Variants in PITHD1 observed in about 807,000 individuals in gnomAD.
PITHD1 encodes PITH domain containing 1.
Under a neutral mutation model 27.5 loss-of-function variants are expected in PITHD1, and 8 were observed. The observed-to-expected ratio is 0.29, with a 90% confidence interval of 0.17 to 0.52. PITHD1 has a LOEUF of 0.52. Among genes scored for constraint, PITHD1 ranks in the 20% least tolerant of loss-of-function variants. The probability of loss-of-function intolerance (pLI) is 0.96; values close to 1 mark genes in which losing one functional copy is unlikely to be tolerated. For missense variants in PITHD1, 233 were observed against 283.9 expected (o/e 0.82, Z 1.29); for synonymous variants, 118 against 106.8 (o/e 1.10, Z -0.64).
chr1:23,778,554 C>T lies in PITHD1; in HGVS notation c.39C>T (p.Arg13=). 1 of 1,341,360 alleles carries T rather than the reference C, an allele frequency of 7.5e-7. No individual in the cohort carries two copies. Among genetic ancestry groups the T allele is most frequent in the Non-Finnish European group, 9.5e-7 (1 of 1,051,146 alleles). 83.1% of individuals were successfully genotyped at this position (1,341,360 alleles called of 1,614,324 possible). ...ACAGCCACGGCGGGGGTGGCTGCCG[C>T]TGCGCCGCCGAACGGGAGGAGCCGC... ...HGHSHGGGGC[R]CAAEREEPPE... The change falls in exon 1 of 6, where the codon CGC becomes CGT. Residue 13 remains arginine, a synonymous_variant. Transcript: ENST00000246151.
intron 3 of PITHD1, among the ~76,000 whole-genome samples, chr1:23,780,939 C>T (rs1413744167): frequency 6.6e-6 from 1 of 151,964 alleles, no homozygotes; most frequent in Non-Finnish European, 1.5e-5. Flanking sequence ...TGGTGGTTCA[C>T]ACCTGTAATC....
chr1:23,779,301 A>C, intron 1 of PITHD1, 137 bp from the exon 2 acceptor site: 1 of 700,696 alleles, frequency 1.4e-6, no homozygotes, highest in Non-Finnish European at 2.6e-6. Flanking sequence ...GCTTCAAGTT[A>C]ATAAGTCTTG....
intron 5 of PITHD1, 134 bp downstream of exon 5, chr1:23,786,557 TA>T (rs1638687749): frequency 2.9e-6 from 1 of 339,116 alleles, no homozygotes; most frequent in Non-Finnish European, 5.6e-6. Flanking sequence ...GTTTTATCAG[TA>T]TAAACTTTTC....
At position 23,787,332 on chromosome 1, in the gene PITHD1, C is replaced by A; in HGVS notation, c.592C>A (p.His198Asn). ...NYEASANPADHRVHQVTPQTH... is the reference protein window; with the variant it reads ...NYEASANPADNRVHQVTPQTH... ...CGAAGCATCTGCCAACCCAGCAGAC[C>A]ATAGGGTCCATCAGGTTACCCCACA... Residue 198 changes from histidine to asparagine, a missense_variant, in exon 6 of 6, where the codon CAT becomes AAT. Physicochemically the swap from His to Asn is moderately conservative, Grantham distance 68. Coordinates refer to ENST00000246151, the MANE Select transcript of PITHD1 (RefSeq NM_020362.5). The A allele has an allele frequency of 6.2e-7, 1 of 1,612,994 alleles. No homozygotes were observed. The highest frequency in any genetic ancestry group is 1.1e-5 in the South Asian group (1 of 91,012).
In PITHD1 at chr1:23,778,635, G is replaced by A; in HGVS notation, c.120G>A (p.Leu40=). ...ACCTGCGCATCGACCTGGAGCGGCT[G>A]CAATGCCTTAACGAGAGCCGCGAGG... The part of the protein sequence containing the change: ...GLYLRIDLER[L]QCLNESREGS... Residue 40 remains leucine, a synonymous_variant, in exon 1 of 6, where the codon CTG becomes CTA. Coordinates refer to ENST00000246151, the MANE Select transcript of PITHD1 (RefSeq NM_020362.5). 3.0e-6 allele frequency: 4 copies of A among 1,334,144 alleles called. No homozygotes were observed. The highest frequency in any genetic ancestry group is 9.6e-7 in the Non-Finnish European group (1 of 1,043,388). 82.6% of individuals were successfully genotyped at this position (1,334,144 alleles called of 1,614,324 possible).
intron 3 of PITHD1, among the ~76,000 whole-genome samples, chr1:23,783,340 T>C (rs567946276): frequency 1.3e-5 from 2 of 149,584 alleles, no homozygotes; most frequent in Non-Finnish European, 3.0e-5. Context: ...CATATATGTG[T>C]ATATATACAT....
chr1:23,778,533 C>T lies in PITHD1; in HGVS notation c.18C>T (p.Ser6=). 7.4e-7 allele frequency: 1 copy of T among 1,347,166 alleles called. No homozygotes were observed. Among genetic ancestry groups the T allele is most frequent in the Non-Finnish European group, 9.5e-7 (1 of 1,055,998 alleles). 83.5% of individuals were successfully genotyped at this position (1,347,166 alleles called of 1,614,324 possible). The part of the protein sequence containing the change: MSHGH[S]HGGGGCRCAA... ...GCGTTGCCATGTCGCACGGTCACAGCCACGGCGGGGGTGGCTGCCGCTGCG... is the reference window on the plus strand; with the variant it reads ...GCGTTGCCATGTCGCACGGTCACAGTCACGGCGGGGGTGGCTGCCGCTGCG... Residue 6 remains serine, a synonymous_variant, in exon 1 of 6, where the codon AGC becomes AGT. Transcript: ENST00000246151.
chr1:23,783,280 T>C (rs1638628996), intron 3 of PITHD1, among the ~76,000 whole-genome samples: 1 of 150,456 alleles, frequency 6.6e-6, no homozygotes, highest in African/African-American at 2.4e-5. Flanking sequence ...CACAGGCACA[T>C]GTGTGTATAT....
At chr1:23,787,131 T>C (rs535355678) in intron 5 of PITHD1, 144 bp from the exon 6 acceptor site, 246 of 533,330 alleles carry the variant, frequency 4.6e-4, no homozygotes, top group Non-Finnish European at 7.6e-4. Flanking sequence ...AGATATTAGA[T>C]GATGACATCT....
intron 3 of PITHD1, among the ~76,000 whole-genome samples, chr1:23,784,301 C>T (rs1347205541): frequency 1.6e-5 from 2 of 125,040 alleles, no homozygotes; most frequent in East Asian, 2.5e-4. Context: ...AGTGCAGTGG[C>T]GCCATCTCGG....
intron 3 of PITHD1, among the ~76,000 whole-genome samples, chr1:23,781,159 G>C (rs1282094903): frequency 6.6e-6 from 1 of 152,068 alleles, no homozygotes. Context: ...CTGCACTCCA[G>C]TCTGGGTGAC....
intron 3 of PITHD1, among the ~76,000 whole-genome samples, chr1:23,783,334 T>C (rs1169436784): frequency 6.7e-6 from 1 of 149,802 alleles, no homozygotes; most frequent in Admixed American, 6.7e-5. Context: ...TATACACATA[T>C]ATGTGTATAT....
At chr1:23,785,861 A>G in intron 4 of PITHD1, 82 bp downstream of exon 4, 2 of 761,790 alleles carry the variant, frequency 2.6e-6, no homozygotes, top group South Asian at 3.0e-5. Context: ...CTGCTCTCTT[A>G]GCATTGGAAA....
rs1252480912 is a variant in PITHD1, at chr1:23,779,446, A to C, written c.207A>C (p.Glu69Asp). The C allele has an allele frequency of 3.7e-6, 6 of 1,612,718 alleles. No individual in the cohort carries two copies. Among genetic ancestry groups the C allele is most frequent in the Non-Finnish European group, 4.2e-6 (5 of 1,178,910 alleles). The change falls in exon 2 of 6, where the codon GAA (glutamate) becomes GAC (aspartate). Residue 69 changes from glutamate (E) to aspartate (D), a missense_variant. By Grantham distance (45) the Glu-to-Asp change is conservative (BLOSUM62 2). Coordinates refer to ENST00000246151, the MANE Select transcript of PITHD1 (RefSeq NM_020362.5). ...EERTDRSKFVESDADEELLFN... is the reference protein window; with the variant it reads ...EERTDRSKFVDSDADEELLFN... The stretch of plus-strand genomic sequence containing the variant: ...CTCCCCATCCCCTCCAGTTTGTTGA[A>C]AGTGATGCAGATGAAGAGCTTCTGT...
Position 23,778,570 on chromosome 1 carries a change from G to A in PITHD1, c.55G>A (p.Glu19Lys). The change falls in exon 1 of 6, where the codon GAG (glutamate) becomes AAG (lysine). Residue 19 changes from glutamate to lysine, a missense_variant. Physicochemically the swap from Glu to Lys is moderately conservative, Grantham distance 56. Coordinates refer to ENST00000246151, the MANE Select transcript of PITHD1 (RefSeq NM_020362.5). ...TGGCTGCCGCTGCGCCGCCGAACGG[G>A]AGGAGCCGCCCGAGCAGCGCGGCCT... ...GGGCRCAAER[E>K]EPPEQRGLAY... 1.5e-6 allele frequency: 2 copies of A among 1,345,230 alleles called. No homozygotes were observed. Among genetic ancestry groups the A allele is most frequent in the Non-Finnish European group, 1.9e-6 (2 of 1,052,716 alleles). The allele number at this position is 1,345,230 out of a possible 1,614,324, so 83.3% of individuals were successfully genotyped here. A position where few individuals can be genotyped will look rare whatever the true frequency, so the allele number is the denominator to read the frequency against.
In PITHD1 at chr1:23,787,951, T is replaced by C. The variant is rs753631137; in HGVS notation, c.*575T>C. On this transcript the variant is annotated 3_prime_UTR_variant, in exon 6 of 6. Coordinates refer to ENST00000246151, the MANE Select transcript of PITHD1 (RefSeq NM_020362.5). ...GTGGTTATAGCTAGAAGGACAGGAG[T>C]CTCCTGCTGATGCGTGATAGCTTAA... The C allele has an allele frequency of 2.0e-5, 3 of 152,040 alleles. No individual in the cohort carries two copies. Among genetic ancestry groups the C allele is most frequent in the Non-Finnish European group, 2.9e-5 (2 of 68,066 alleles). 9.4% of individuals were successfully genotyped at this position (152,040 alleles called of 1,614,324 possible).
At chr1:23,779,220 C>T (rs1638558928) in intron 1 of PITHD1, 1 of 522,912 alleles carries the variant, frequency 1.9e-6, no homozygotes, top group Non-Finnish European at 3.4e-6. Context: ...GAAATTCATT[C>T]ATGGGCTTTT....
chr1:23,778,850 C>T (rs1638551437), intron 1 of PITHD1, 137 bp downstream of exon 1: 1 of 465,776 alleles, frequency 2.1e-6, no homozygotes, highest in African/African-American at 2.0e-5. Flanking sequence ...CCTGCCAGCT[C>T]TTTGGGAGGC....
rs140888192 is a variant in PITHD1, at chr1:23,780,704, G to A, written c.320+763G>A. ...AGCCTGGCCAACCTGGTAAAACCCC[G>A]TCTCTACTAAAAAAACAAAAATTAG... is the stretch of plus-strand genomic sequence containing the variant. On this transcript the variant is annotated intron_variant, in intron 3 of 5. Transcript: ENST00000246151. 6.0e-3 allele frequency among the ~76,000 whole-genome samples: 906 copies of A among 151,352 alleles called. 14 individuals are homozygous for A. Among genetic ancestry groups the A allele is most frequent in the African/African-American group, 0.021 (873 of 41,182 alleles).
Sources: allele counts gnomAD v4.1 joint callset (sites outside exome capture counted in the v4.1 genomes callset), GRCh38; gene constraint gnomAD v4.1.1; transcripts MANE v1.5; gene names NCBI Gene and HGNC (gene_info 2026-07-23, HGNC 2026-07-21).